The following PDCD6IP variants were observed in gnomAD, a reference collection of about 807,000 sequenced individuals.
PDCD6IP encodes the protein programmed cell death 6 interacting protein, also known as programmed cell death 6-interacting protein.
In PDCD6IP, 43 loss-of-function variants were observed where a neutral mutation model predicts 103.7. The observed-to-expected ratio is 0.41, with a 90% confidence interval of 0.32 to 0.53. The LOEUF (loss-of-function observed/expected upper bound fraction) is 0.53. PDCD6IP is among the 20% of genes least tolerant of loss of function. PDCD6IP has a pLI of 0.16. For missense variants in PDCD6IP, 871 were observed against 1,036.7 expected (o/e 0.84, Z 2.20); for synonymous variants, 354 against 378.7 (o/e 0.93, Z 0.76).
At chr3:33,826,634 CTT>C in intron 6 of PDCD6IP, 54 bp downstream of exon 6, 1 of 1,598,580 alleles carries the variant, frequency 6.3e-7, no homozygotes, top group Non-Finnish European at 8.5e-7. Context: ...AATATTTAGA[CTT>C]TTTTGTGTAT....
intron 12 of PDCD6IP, among the ~76,000 whole-genome samples, chr3:33,847,661 C>G (rs1419056477): frequency 6.6e-6 from 1 of 152,106 alleles, no homozygotes; most frequent in Non-Finnish European, 1.5e-5. Context: ...GTGAAGAAGC[C>G]TACTGTCTGG....
intron 9 of PDCD6IP, among the ~76,000 whole-genome samples, chr3:33,838,825 A>G (rs972726997): frequency 1.3e-5 from 2 of 151,488 alleles, no homozygotes; most frequent in African/African-American, 2.4e-5. Flanking sequence ...TTTTTGGGAC[A>G]GGGTCTTATT....
chr3:33,805,933 G>A (rs953728270), intron 1 of PDCD6IP, among the ~76,000 whole-genome samples: 6 of 151,846 alleles, frequency 4.0e-5, no homozygotes, highest in Non-Finnish European at 7.4e-5. Context: ...TTTTAGTAGA[G>A]ACGGGGTTTC....
rs958175368 is a variant in PDCD6IP, at chr3:33,822,145, T to G, written c.462+63T>G. The G allele has an allele frequency of 2.6e-6, 4 of 1,549,962 alleles. No individual in the cohort carries two copies. The African/African-American group carries it at 5.4e-5, about 21-fold the overall frequency. On this transcript the variant is annotated intron_variant, in intron 4 of 17. Transcript: ENST00000307296. ...CTAAATTGGATTAAGTGGAAAATAA[T>G]TTGCATTTAGGTTTATAGATACTTC...
At chr3:33,811,477 G>C (rs1406565390) in intron 1 of PDCD6IP, among the ~76,000 whole-genome samples, 1 of 152,214 alleles carries the variant, frequency 6.6e-6, no homozygotes, top group Non-Finnish European at 1.5e-5. Context: ...TTCCCTGCCA[G>C]ACTTGCTGAC....
At chr3:33,827,053 C>T (rs1254994052) in intron 6 of PDCD6IP, 1 of 985,118 alleles carries the variant, frequency 1.0e-6, no homozygotes, top group African/African-American at 1.7e-5. Flanking sequence ...GATTAGAATT[C>T]AGTTTTGCCA....
At chr3:33,828,695 G>A (rs572040046) in intron 6 of PDCD6IP, 158 bp from the exon 7 acceptor site, 37 of 527,558 alleles carry the variant, frequency 7.0e-5, no homozygotes, top group African/African-American at 5.1e-4. Context: ...AAATCATGTC[G>A]TCTTCTCTGT....
Position 33,846,186 on chromosome 3 carries a change from C to G in PDCD6IP, c.1641+598C>G, listed in dbSNP as rs184277279. 9.1e-4 allele frequency among the ~76,000 whole-genome samples: 138 copies of G among 152,206 alleles called. No homozygotes were observed. The Middle Eastern group carries it at 0.01, about 11-fold the overall frequency. On this transcript the variant is annotated intron_variant, in intron 12 of 17. Coordinates refer to ENST00000307296, the MANE Select transcript of PDCD6IP (RefSeq NM_013374.6). ...AGTTAGTAGGAAAAGATAGAGGTCC[C>G]AAATCTCTGCACAGGAAAACAAGCG... is the stretch of plus-strand genomic sequence containing the variant.
intron 12 of PDCD6IP, among the ~76,000 whole-genome samples, chr3:33,848,624 C>T (rs111839058): frequency 4.6e-5 from 7 of 152,184 alleles, no homozygotes; most frequent in African/African-American, 1.7e-4. Flanking sequence ...TGGATGGTCT[C>T]GATCGCTTGA....
intron 17 of PDCD6IP, among the ~76,000 whole-genome samples, chr3:33,866,064 G>A (rs912856342): frequency 2.0e-5 from 3 of 151,782 alleles, no homozygotes; most frequent in Non-Finnish European, 2.9e-5. Flanking sequence ...AAAATGAAGG[G>A]TCTCCATTTT....
intron 1 of PDCD6IP, among the ~76,000 whole-genome samples, chr3:33,806,324 C>T (rs944122788): frequency 1.4e-4 from 21 of 151,950 alleles, no homozygotes; most frequent in Admixed American, 5.2e-4. Flanking sequence ...TTATTCCTCA[C>T]GCTTAAAGGA....
intron 3 of PDCD6IP, among the ~76,000 whole-genome samples, chr3:33,817,583 T>G (rs1374610272): frequency 1.3e-5 from 2 of 151,856 alleles, no homozygotes; most frequent in Non-Finnish European, 2.9e-5. Flanking sequence ...CGAAACTCTG[T>G]CTCTACAAAA....
rs549127077 is a variant in PDCD6IP, at chr3:33,817,242, G to A, written c.334+3614G>A. On this transcript the variant is annotated intron_variant, in intron 3 of 17. Coordinates refer to ENST00000307296, the MANE Select transcript of PDCD6IP (RefSeq NM_013374.6). ...AACTCAGAGTAATTCCTCCTCCCTC[G>A]AGTTGTGCACTCCAGGCAACTCGAG... Among the ~76,000 whole-genome samples the A allele has an allele frequency of 2.6e-4, 40 of 152,158 alleles. 1 individual carries two copies. The highest frequency in any genetic ancestry group is 3.4e-3 in the Middle Eastern group (1 of 294).
At position 33,836,111 on chromosome 3, in the gene PDCD6IP, C is replaced by G; in HGVS notation, c.902C>G (p.Ser301Cys). 6.2e-7 allele frequency: 1 copy of G among 1,611,540 alleles called. No homozygotes were observed. Among genetic ancestry groups the G allele is most frequent in the Non-Finnish European group, 8.5e-7 (1 of 1,178,244 alleles). ...GAATATGTTAATGTGAAGGATTTTT[C>G]TGACAAAATCAATCGTGCCCTTGCT... ...YDEYVNVKDF[S>C]DKINRALAAA... The change falls in exon 8 of 18, where the codon TCT (serine) becomes TGT (cysteine). Residue 301 changes from serine to cysteine, a missense_variant. Ser to Cys is a moderately radical substitution (Grantham distance 112). This residue lies in a region of PDCD6IP where 242 missense variants were observed against 250.7 expected (regional missense o/e 0.97). Coordinates refer to ENST00000307296, the MANE Select transcript of PDCD6IP (RefSeq NM_013374.6).
intron 9 of PDCD6IP, among the ~76,000 whole-genome samples, chr3:33,841,249 A>T (rs1237646073): frequency 2.6e-5 from 4 of 151,820 alleles, no homozygotes; most frequent in Admixed American, 2.6e-4. Context: ...GCTGGTCTCG[A>T]ATTCCTGACC....
intron 7 of PDCD6IP, among the ~76,000 whole-genome samples, chr3:33,831,761 A>G (rs1384634342): frequency 7.1e-6 from 1 of 141,472 alleles, no homozygotes; most frequent in Non-Finnish European, 1.5e-5. Context: ...ATATACATAG[A>G]CAGCACACAC....
chr3:33,839,955 AT>A (rs756899792), intron 9 of PDCD6IP, among the ~76,000 whole-genome samples: 1 of 152,266 alleles, frequency 6.6e-6, no homozygotes, highest in East Asian at 1.9e-4. Context: ...GTTTTTCTTA[AT>A]AGTTAAAGAC....
chr3:33,853,072 C>T (rs1371446854), intron 13 of PDCD6IP, among the ~76,000 whole-genome samples: 10 of 151,996 alleles, frequency 6.6e-5, no homozygotes, highest in African/African-American at 9.7e-5. Context: ...TATAGGCGCC[C>T]GCCACCACGC....
intron 15 of PDCD6IP, 87 bp downstream of exon 15, chr3:33,855,347 T>C (rs1479600793): frequency 1.2e-5 from 9 of 759,694 alleles, no homozygotes; most frequent in Non-Finnish European, 1.8e-5. Context: ...CTTGGTAGTA[T>C]GAGATAGCAA....
Sources: gnomAD v4.1 joint callset for allele counts (sites outside exome capture counted in the v4.1 genomes callset) on GRCh38, gnomAD v4.1.1 for gene constraint, gnomAD v4.1.1 regional missense constraint, MANE v1.5 for transcripts, NCBI Gene and HGNC (gene_info 2026-07-23, HGNC 2026-07-21) for gene names.